KIF9: variants seen among roughly 807,000 people sequenced by gnomAD.
KIF9 encodes kinesin family member 9, also known as kinesin-like protein KIF9.
KIF9 carries 68 observed loss-of-function variants against 94.8 expected under a neutral mutation model. That is an observed-to-expected ratio of 0.72 (90% CI 0.59 to 0.88). The LOEUF (loss-of-function observed/expected upper bound fraction) is 0.88, where lower values mean the gene tolerates loss of function less well. Among genes scored for constraint, KIF9 ranks in the 40% least tolerant of loss-of-function variants. The pLI is 0.00. For missense variants in KIF9, 882 were observed against 982.5 expected (o/e 0.90, Z 1.37); for synonymous variants, 343 against 362.1 (o/e 0.95, Z 0.60).
intron 10 of KIF9, 102 bp from the exon 11 acceptor site, chr3:47,248,188 G>C (rs1700049830): frequency 6.9e-6 from 6 of 870,554 alleles, no homozygotes; most frequent in Non-Finnish European, 1.9e-6. Context: ...TCTGTGCCCA[G>C]ACATCCTGGC....
chr3:47,272,536 A>G (rs1296224688), intron 4 of KIF9, among the ~76,000 whole-genome samples: 1 of 152,212 alleles, frequency 6.6e-6, no homozygotes, highest in African/African-American at 2.4e-5. Flanking sequence ...CTAAACTGAA[A>G]TGTGCCCCAA....
At chr3:47,257,609 A>C in intron 9 of KIF9, 49 bp from the exon 10 acceptor site, 1 of 1,511,304 alleles carries the variant, frequency 6.6e-7, no homozygotes, top group East Asian at 2.3e-5. Context: ...CTAAAGTGAG[A>C]CCCCAAGAGA....
chr3:47,246,006 C>CTAT (rs1699901024), intron 13 of KIF9, 191 bp downstream of exon 13: 1 of 572,178 alleles, frequency 1.7e-6, no homozygotes, highest in Admixed American at 3.1e-5. Flanking sequence ...AGCTGGCACT[C>CTAT]CATAAACACC....
intron 1 of KIF9, among the ~76,000 whole-genome samples, chr3:47,279,180 A>C (rs1015212167): frequency 1.5e-4 from 23 of 149,728 alleles, no homozygotes; most frequent in Non-Finnish European, 3.3e-4. Context: ...AAAAAAAAAA[A>C]AACTAACGTG....
chr3:47,234,188 G>A (rs1205096967), intron 20 of KIF9, among the ~76,000 whole-genome samples: 1 of 152,046 alleles, frequency 6.6e-6, no homozygotes, highest in Non-Finnish European at 1.5e-5. Flanking sequence ...CAAGTGACAG[G>A]GGTGCCCTAT....
chr3:47,244,944 A>C lies in KIF9; in HGVS notation c.1381-20T>G. ...CCCCGCCTACATAGAGAGGCCAGCC[A>C]AAGGTCTGTGAGTTAGATTAAGGGC... On this transcript the variant is annotated intron_variant, in intron 14 of 20. Transcript: ENST00000684063. 6.2e-7 allele frequency: 1 copy of C among 1,613,722 alleles called. No individual in the cohort carries two copies. Among genetic ancestry groups the C allele is most frequent in the Non-Finnish European group, 8.5e-7 (1 of 1,179,684 alleles).
chr3:47,276,070 T>A (rs911929330), intron 2 of KIF9, among the ~76,000 whole-genome samples: 3 of 152,114 alleles, frequency 2.0e-5, no homozygotes, highest in African/African-American at 7.2e-5. Context: ...ATCAGCAGAT[T>A]TTTAGATGCA....
At chr3:47,266,631 C>T (rs1294319926) in intron 7 of KIF9, among the ~76,000 whole-genome samples, 1 of 152,044 alleles carries the variant, frequency 6.6e-6, no homozygotes, top group Non-Finnish European at 1.5e-5. Flanking sequence ...GGAGACACGG[C>T]GAGACTGTGT....
At chr3:47,232,222 G>A (rs916233037) in intron 20 of KIF9, among the ~76,000 whole-genome samples, 19 of 152,202 alleles carry the variant, frequency 1.2e-4, no homozygotes, top group Non-Finnish European at 2.2e-4. Flanking sequence ...CATATCTGCT[G>A]ATGCCTTGAT....
chr3:47,234,812 G>A (rs1346694477), intron 20 of KIF9, among the ~76,000 whole-genome samples: 5 of 139,014 alleles, frequency 3.6e-5, no homozygotes, highest in Non-Finnish European at 7.8e-5. Context: ...CACCTCAGCC[G>A]CCCAAAGTGC....
At chr3:47,257,739 C>T (rs185330459) in intron 9 of KIF9, among the ~76,000 whole-genome samples, 179 bp from the exon 10 acceptor site, 152 of 152,264 alleles carry the variant, frequency 1.0e-3, no homozygotes, top group African/African-American at 3.1e-3. Flanking sequence ...ATGAGGTCCC[C>T]ATGAGAAGAG....
chr3:47,235,466 A>G (rs1222355177), intron 20 of KIF9, 47 bp downstream of exon 20: 1 of 1,292,342 alleles, frequency 7.7e-7, no homozygotes, highest in Admixed American at 1.7e-5. Context: ...TGGGTTTCCT[A>G]GTCACTGAGG....
chr3:47,240,112 G>A lies in KIF9; in HGVS notation c.1924+689C>T, dbSNP rs1224969953. 32 of 383,860 alleles carry A rather than the reference G, an allele frequency of 8.3e-5. 1 individual carries two copies. The highest frequency in any genetic ancestry group is 5.6e-4 in the South Asian group (24 of 42,900). The allele number at this position is 383,860 out of a possible 1,614,324, so 23.8% of individuals were successfully genotyped here. On this transcript the variant is annotated intron_variant, in intron 17 of 20. Transcript: ENST00000684063. ...CCTCTCAGATAAGTCATCTGAACACGCAAGCTTGGTGGGCCTTGGCCCTCA... is the reference window on the plus strand; with the variant it reads ...CCTCTCAGATAAGTCATCTGAACACACAAGCTTGGTGGGCCTTGGCCCTCA...
intron 4 of KIF9, among the ~76,000 whole-genome samples, chr3:47,272,157 G>A (rs1383438782): frequency 6.6e-6 from 1 of 151,978 alleles, no homozygotes; most frequent in Admixed American, 6.6e-5. Context: ...TTGTCTATTG[G>A]TCACTCAGCT....
At chr3:47,248,535 C>T (rs575754633) in intron 10 of KIF9, among the ~76,000 whole-genome samples, 6 of 152,108 alleles carry the variant, frequency 3.9e-5, no homozygotes, top group Non-Finnish European at 8.8e-5. Flanking sequence ...CTCCGCCTCC[C>T]GGGTTCAAGT....
chr3:47,255,694 TTC>T (rs1310400794), intron 10 of KIF9, among the ~76,000 whole-genome samples: 1 of 151,978 alleles, frequency 6.6e-6, no homozygotes, highest in Non-Finnish European at 1.5e-5. Context: ...CCTTTTTCTT[TTC>T]TTTCTTTTTA....
intron 10 of KIF9, among the ~76,000 whole-genome samples, chr3:47,254,764 C>T (rs1025223027): frequency 1.3e-5 from 2 of 151,920 alleles, no homozygotes; most frequent in African/African-American, 4.8e-5. Flanking sequence ...GAGAGGAGGC[C>T]TCAGTGTCAT....
chr3:47,241,869 T>C (rs34015673), intron 16 of KIF9, among the ~76,000 whole-genome samples: 7,037 of 42,704 alleles, frequency 0.16, 167 homozygotes, highest in South Asian at 0.33. Context: ...TATACACATA[T>C]ATATATATAT....
intron 7 of KIF9, among the ~76,000 whole-genome samples, chr3:47,266,670 C>G (rs1230299294): frequency 6.6e-6 from 1 of 152,066 alleles, no homozygotes; most frequent in African/African-American, 2.4e-5. Context: ...AAAACACACA[C>G]AGAGAAATGC....
Sources: allele counts gnomAD v4.1 joint callset (sites outside exome capture counted in the v4.1 genomes callset), GRCh38; gene constraint gnomAD v4.1.1; transcripts MANE v1.5; gene names NCBI Gene and HGNC (gene_info 2026-07-23, HGNC 2026-07-21).